CRYM: variants seen among roughly 807,000 people sequenced by gnomAD.
CRYM encodes crystallin mu.
In CRYM, 18 loss-of-function variants were observed where a neutral mutation model predicts 32.9. The ratio of observed to expected loss-of-function variants is 0.55; its 90% CI spans 0.38 to 0.81. CRYM has a LOEUF of 0.81. Ranked by LOEUF, CRYM falls within the 30% of genes least tolerant of loss-of-function variation. The pLI is 0.00. For synonymous variants in CRYM, 153 were observed against 152.4 expected (o/e 1.00, Z -0.03); for missense variants, 337 against 393.5 (o/e 0.86, Z 1.21).
Position 21,277,561 on chromosome 16 carries a change from T to A in CRYM, c.194A>T (p.Tyr65Phe), listed in dbSNP as rs367658154. ...GGTCAGTGCATCCTCTGCAGCACTG[T>A]AGGCGGGCATGACCCCCAGGTAGCT... The part of the protein sequence containing the change: ...HRGYLGVMPA[Y>F]SAAEDALTTK... The change falls in exon 2 of 8, where the codon TAC becomes TTC. Residue 65 changes from tyrosine to phenylalanine, a missense_variant. Tyr to Phe is a conservative substitution (Grantham distance 22). Transcript: ENST00000572914. This position sits in a 1 kb window ranked among gnomAD's most constrained non-coding sequence, Gnocchi z 4.2. 1 of 1,613,748 alleles carries A rather than the reference T, an allele frequency of 6.2e-7. No individual in the cohort carries two copies. The highest frequency in any genetic ancestry group is 8.5e-7 in the Non-Finnish European group (1 of 1,179,984).
At chr16:21,285,838 G>A (rs1483544713) in intron 1 of CRYM, among the ~76,000 whole-genome samples, 1 of 152,142 alleles carries the variant, frequency 6.6e-6, no homozygotes, top group African/African-American at 2.4e-5. Context: ...AAGAAAAAAG[G>A]TTTATTAACT....
chr16:21,278,007 A>C (rs1397983390), intron 1 of CRYM, 75 bp downstream of exon 1: 3 of 1,451,332 alleles, frequency 2.1e-6, no homozygotes, highest in Non-Finnish European at 2.8e-6. Context: ...CCCTTCTCCC[A>C]CCCCTCCTCT....
At chr16:21,260,021 T>C (rs2152861031) in intron 7 of CRYM, among the ~76,000 whole-genome samples, 1 of 152,280 alleles carries the variant, frequency 6.6e-6, no homozygotes, top group Admixed American at 6.5e-5. Flanking sequence ...TGAACCAGGC[T>C]CCAGATAAAA....
At chr16:21,290,296 G>A (rs1960604386) in intron 1 of CRYM, among the ~76,000 whole-genome samples, 1 of 152,158 alleles carries the variant, frequency 6.6e-6, no homozygotes, top group Admixed American at 6.5e-5. Context: ...TTAAGTCAGT[G>A]AGACCACGAA....
At chr16:21,290,259 A>G (rs185496862) in intron 1 of CRYM, among the ~76,000 whole-genome samples, 2 of 152,296 alleles carry the variant, frequency 1.3e-5, no homozygotes, top group East Asian at 3.9e-4. Flanking sequence ...CTGTAACACT[A>G]ACCACGAAGG....
At chr16:21,270,147 C>T (rs2093372219) in intron 3 of CRYM, among the ~76,000 whole-genome samples, 1 of 152,138 alleles carries the variant, frequency 6.6e-6, no homozygotes, top group Non-Finnish European at 1.5e-5. Flanking sequence ...GACATTGACC[C>T]TACGAGTTGG....
chr16:21,275,115 A>C (rs2093383671), intron 3 of CRYM, among the ~76,000 whole-genome samples: 1 of 152,160 alleles, frequency 6.6e-6, no homozygotes, highest in Admixed American at 6.5e-5. Flanking sequence ...GGACAATTAT[A>C]CTGTCTTACC....
intron 1 of CRYM, among the ~76,000 whole-genome samples, chr16:21,288,767 A>G (rs1960538373): frequency 6.6e-6 from 1 of 152,102 alleles, no homozygotes; most frequent in South Asian, 2.1e-4. Flanking sequence ...TGCTTTTCTT[A>G]TAAGTTTTGG....
Position 21,261,270 on chromosome 16 carries a change from G to T in CRYM, c.864C>A (p.Thr288=), listed in dbSNP as rs14122. The T allele has an allele frequency of 3.3e-5, 53 of 1,613,080 alleles. No homozygotes were observed. The highest frequency in any genetic ancestry group is 4.2e-5 in the Non-Finnish European group (49 of 1,179,486). Residue 288 remains threonine (T), a synonymous_variant, in exon 7 of 8, where the codon ACC becomes ACA. Transcript: ENST00000572914. ...GVKPAHCEKT[T]VFKSLGMAVE... is the part of the protein sequence containing the mutation. ...GGATCTTACCCAAAGACTTGAACAC[G>T]GTGGTCTTCTCACAGTGGGCTGGTT...
chr16:21,282,997 A>G (rs2093400806), upstream of CRYM, among the ~76,000 whole-genome samples: 1 of 152,194 alleles, frequency 6.6e-6, no homozygotes, highest in Admixed American at 6.5e-5. Flanking sequence ...CTTTTTAGTA[A>G]TGCAGGGGTC....
intron 5 of CRYM, among the ~76,000 whole-genome samples, chr16:21,265,421 C>A (rs771601037): frequency 6.6e-6 from 1 of 152,198 alleles, no homozygotes. Flanking sequence ...CTCAGATAAC[C>A]CTATTGAAAA....
chr16:21,270,339 A>G (rs2093372712), intron 3 of CRYM, among the ~76,000 whole-genome samples: 1 of 151,616 alleles, frequency 6.6e-6, no homozygotes, highest in Non-Finnish European at 1.5e-5. Flanking sequence ...GCTGGAGTGC[A>G]GTGGCACGAT....
At chr16:21,259,501 G>A (rs1244752398) in intron 7 of CRYM, among the ~76,000 whole-genome samples, 1 of 152,148 alleles carries the variant, frequency 6.6e-6, no homozygotes, top group Non-Finnish European at 1.5e-5. Flanking sequence ...TGCCTTTAGA[G>A]TAGAAAACAC....
chr16:21,258,848 A>G lies in CRYM; in HGVS notation c.881-3T>C, dbSNP rs1272666237. On this transcript the variant is annotated splice_region_variant and splice_polypyrimidine_tract_variant and intron_variant, in intron 7 of 7. Transcript: ENST00000572914. ...AACTGTGTCTTCCACTGCCATTCCTAGAATAGACAGAAATTTGGTTCGCCT... is the reference window on the plus strand; with the variant it reads ...AACTGTGTCTTCCACTGCCATTCCTGGAATAGACAGAAATTTGGTTCGCCT... The G allele has an allele frequency of 6.2e-7, 1 of 1,614,008 alleles. No individual in the cohort carries two copies. The highest frequency in any genetic ancestry group is 2.2e-5 in the East Asian group (1 of 44,880).
At chr16:21,278,440 G>C (rs2093392198), upstream of CRYM, 4 of 663,174 alleles carry the variant, frequency 6.0e-6, no homozygotes, top group South Asian at 5.4e-5. Context: ...GACCCCTAAG[G>C]GTGGGCGAGA....
upstream of CRYM, among the ~76,000 whole-genome samples, chr16:21,282,727 A>G (rs1479028479): frequency 2.0e-5 from 3 of 152,134 alleles, no homozygotes; most frequent in Non-Finnish European, 4.4e-5. Context: ...TCTGCAAATC[A>G]TCTCAAATCA....
intron 1 of CRYM, among the ~76,000 whole-genome samples, chr16:21,289,354 C>CT (rs1294208302): frequency 4.6e-5 from 7 of 152,096 alleles, no homozygotes; most frequent in Non-Finnish European, 8.8e-5. Flanking sequence ...CCGTTTTTAT[C>CT]TTAAAGCCTA....
chr16:21,290,373 C>G (rs1392034660), intron 1 of CRYM, among the ~76,000 whole-genome samples: 2 of 152,032 alleles, frequency 1.3e-5, no homozygotes, highest in African/African-American at 4.8e-5. Context: ...CTACAAAGGT[C>G]TGCAGCTTCT....
intron 1 of CRYM, among the ~76,000 whole-genome samples, chr16:21,296,782 G>T (rs556492921): frequency 6.7e-6 from 1 of 148,760 alleles, no homozygotes; most frequent in African/African-American, 2.5e-5. Context: ...AGGCTGAGGC[G>T]GGCGGATCAT....
Sources: allele counts gnomAD v4.1 joint callset (sites outside exome capture counted in the v4.1 genomes callset), GRCh38; gene constraint gnomAD v4.1.1; non-coding constraint Gnocchi (gnomAD v3.1); transcripts MANE v1.5; gene names NCBI Gene and HGNC (gene_info 2026-07-23, HGNC 2026-07-21).